Variants in CATSPERE observed in about 807,000 individuals in gnomAD.
CATSPERE encodes the protein catsper channel auxiliary subunit epsilon, also known as cation channel sperm-associated auxiliary subunit epsilon.
In CATSPERE, 93 loss-of-function variants were observed where a neutral mutation model predicts 114.1. That is an observed-to-expected ratio of 0.81 (90% CI 0.69 to 0.97). The LOEUF is 0.97. Ranked by LOEUF, CATSPERE falls within the 50% of genes least tolerant of loss-of-function variation. The pLI is 0.00. For synonymous variants in CATSPERE, 341 were observed against 384.1 expected (o/e 0.89, Z 1.31); for missense variants, 1,058 against 1,131.6 (o/e 0.93, Z 0.93).
At chr1:244,637,164 G>A (rs995623538) in intron 21 of CATSPERE, among the ~76,000 whole-genome samples, 1 of 151,946 alleles carries the variant, frequency 6.6e-6, no homozygotes, top group South Asian at 2.1e-4. Flanking sequence ...ATTTATCCTC[G>A]TTCTTGTAAC....
upstream of CATSPERE, among the ~76,000 whole-genome samples, chr1:244,453,700 C>T (rs7518280): frequency 2.6e-5 from 4 of 152,270 alleles, no homozygotes; most frequent in East Asian, 5.8e-4. Context: ...GAAATAGCCC[C>T]GGGGAGACGT....
chr1:244,525,230 A>G (rs373477425), intron 8 of CATSPERE, among the ~76,000 whole-genome samples: 7,225 of 149,614 alleles, frequency 0.048, 179 homozygotes, highest in Non-Finnish European at 0.059. Flanking sequence ...TCAGTAAACT[A>G]TCGCAAGAAC....
chr1:244,453,558 C>T (rs1665830945), upstream of CATSPERE, among the ~76,000 whole-genome samples: 1 of 152,170 alleles, frequency 6.6e-6, no homozygotes, highest in South Asian at 2.1e-4. Flanking sequence ...GTTCAGTGGC[C>T]CCCCTCCAGC....
At chr1:244,561,259 T>A in intron 10 of CATSPERE, 114 bp downstream of exon 10, 1 of 735,066 alleles carries the variant, frequency 1.4e-6, no homozygotes, top group Non-Finnish European at 2.3e-6. Flanking sequence ...CAGCCAAAGG[T>A]GCACTTCTTA....
At chr1:244,469,321 G>C (rs1337731851) in intron 2 of CATSPERE, among the ~76,000 whole-genome samples, 2 of 152,016 alleles carry the variant, frequency 1.3e-5, no homozygotes, top group African/African-American at 2.4e-5. Context: ...TAAAAGTATG[G>C]AGTACATATA....
intron 2 of CATSPERE, among the ~76,000 whole-genome samples, chr1:244,471,877 G>T (rs1668527342): frequency 1.3e-5 from 2 of 152,106 alleles, no homozygotes; most frequent in Non-Finnish European, 2.9e-5. Context: ...TTTTATTTTG[G>T]TTAAATACCT....
At chr1:244,571,936 T>C (rs572986160) in intron 10 of CATSPERE, among the ~76,000 whole-genome samples, 134 of 152,272 alleles carry the variant, frequency 8.8e-4, no homozygotes, top group African/African-American at 3.0e-3. Context: ...CTAAAGGCCC[T>C]GTCTCCAAAT....
chr1:244,612,874 G>T (rs955999050), intron 19 of CATSPERE, among the ~76,000 whole-genome samples: 2 of 152,118 alleles, frequency 1.3e-5, no homozygotes, highest in African/African-American at 4.8e-5. Flanking sequence ...GTGGGCTTTC[G>T]CATGAAAAAA....
chr1:244,566,703 G>A (rs1414150311), intron 10 of CATSPERE, among the ~76,000 whole-genome samples: 1 of 78,314 alleles, frequency 1.3e-5, no homozygotes, highest in African/African-American at 3.9e-5. Context: ...CCATTTGCTT[G>A]GTAAATATTC....
chr1:244,625,041 A>G (rs1221794604), intron 20 of CATSPERE, among the ~76,000 whole-genome samples: 1 of 152,096 alleles, frequency 6.6e-6, no homozygotes, highest in Admixed American at 6.6e-5. Flanking sequence ...GCTAATGTTG[A>G]TATTTTTACC....
chr1:244,578,296 G>T (rs907604333), intron 11 of CATSPERE, among the ~76,000 whole-genome samples: 2 of 152,114 alleles, frequency 1.3e-5, no homozygotes, highest in Non-Finnish European at 2.9e-5. Flanking sequence ...GAGACTATGG[G>T]TGTGCACCAC....
In CATSPERE at chr1:244,593,760, G is replaced by A. The variant is rs531385551; in HGVS notation, c.2303+182G>A. Among the ~76,000 whole-genome samples, 14 of 152,258 alleles carry A rather than the reference G, an allele frequency of 9.2e-5. No individual in the cohort carries two copies. In the South Asian group the frequency reaches 1.9e-3, roughly 20 times the overall value. On this transcript the variant is annotated intron_variant, in intron 17 of 21. Transcript: ENST00000366534. ...GCCGTGATGGTCCCTGCATGTTGAG[G>A]GACATCACTATTTGGCAGCCGAAAT... is the stretch of plus-strand genomic sequence containing the variant.
chr1:244,477,840 A>T (rs993848588), intron 3 of CATSPERE, 66 bp from the exon 4 acceptor site: 2 of 1,303,372 alleles, frequency 1.5e-6, no homozygotes, highest in African/African-American at 1.5e-5. Flanking sequence ...CTTAAAAAAT[A>T]GTAAGGGAAT....
At chr1:244,588,441 T>C in intron 13 of CATSPERE, 41 bp from the exon 14 acceptor site, 1 of 1,455,296 alleles carries the variant, frequency 6.9e-7, no homozygotes, top group African/African-American at 1.4e-5. Flanking sequence ...ATCATATGAA[T>C]CAGAACTGCT....
intron 7 of CATSPERE, among the ~76,000 whole-genome samples, chr1:244,510,835 CTTTTTTTTTTTTTTTT>C (rs747921082): frequency 2.1e-5 from 1 of 48,342 alleles, no homozygotes; most frequent in African/African-American, 6.9e-5. Context: ...TTTTCTTTTT[CTTTTTTTTTTTTTTTT>C]TTTTTTTTTG....
At chr1:244,475,073 C>T (rs1319424309) in intron 2 of CATSPERE, among the ~76,000 whole-genome samples, 1 of 152,002 alleles carries the variant, frequency 6.6e-6, no homozygotes, top group Middle Eastern at 3.2e-3. Context: ...ATTTTTAAAA[C>T]TACATCCCCA....
intron 7 of CATSPERE, among the ~76,000 whole-genome samples, chr1:244,515,032 T>C (rs1388436122): frequency 6.6e-6 from 1 of 152,202 alleles, no homozygotes; most frequent in Non-Finnish European, 1.5e-5. Flanking sequence ...AATAAAATAA[T>C]TTAAAATCCT....
chr1:244,498,038 G>A (rs1673400453), intron 6 of CATSPERE, among the ~76,000 whole-genome samples: 1 of 152,126 alleles, frequency 6.6e-6, no homozygotes, highest in Non-Finnish European at 1.5e-5. Context: ...TTTTAGGAAT[G>A]TGCCCTACCA....
chr1:244,534,516 T>C (rs1014615328), intron 8 of CATSPERE, among the ~76,000 whole-genome samples: 1 of 152,226 alleles, frequency 6.6e-6, no homozygotes, highest in Non-Finnish European at 1.5e-5. Flanking sequence ...TCAAGCTTAC[T>C]AATTCTTTGT....
Sources: allele counts gnomAD v4.1 joint callset (sites outside exome capture counted in the v4.1 genomes callset), GRCh38; gene constraint gnomAD v4.1.1; transcripts MANE v1.5; gene names NCBI Gene and HGNC (gene_info 2026-07-23, HGNC 2026-07-21).